Variants in LUZP2 observed in about 807,000 individuals in gnomAD.
LUZP2 encodes leucine zipper protein 2.
Under a neutral mutation model 51.6 loss-of-function variants are expected in LUZP2, and 52 were observed. The observed-to-expected ratio is 1.01, with a 90% CI of 0.81 to 1.27. The LOEUF (loss-of-function observed/expected upper bound fraction) is 1.27, where lower values mean the gene tolerates loss of function less well. Among genes scored for constraint, LUZP2 ranks in the 50% most tolerant of loss-of-function variants. LUZP2 has a pLI of 0.00. For missense variants in LUZP2, 436 were observed against 395.4 expected, an observed-to-expected ratio of 1.10 and a Z score of -0.87; for synonymous variants, 154 against 137.3, an observed-to-expected ratio of 1.12 and a Z score of -0.85.
chr11:25,006,349 G>A (rs2133950880), intron 9 of LUZP2, among the ~76,000 whole-genome samples: 1 of 152,246 alleles, frequency 6.6e-6, no homozygotes, highest in East Asian at 1.9e-4. Flanking sequence ...TCTCGCTTGG[G>A]CGACATGACT....
chr11:24,573,325 C>G (rs1279215184), intron 1 of LUZP2, among the ~76,000 whole-genome samples: 1 of 151,986 alleles, frequency 6.6e-6, no homozygotes, highest in African/African-American at 2.4e-5. Context: ...TTGTACATCA[C>G]TGTCACCTGG....
intron 5 of LUZP2, among the ~76,000 whole-genome samples, chr11:24,896,137 A>G (rs1442231255): frequency 6.6e-6 from 1 of 152,234 alleles, no homozygotes; most frequent in Non-Finnish European, 1.5e-5. Flanking sequence ...ACGTGCTAGC[A>G]GCCCTGGCTG....
chr11:24,560,852 C>T (rs1286600818), intron 1 of LUZP2, among the ~76,000 whole-genome samples: 1 of 152,096 alleles, frequency 6.6e-6, no homozygotes, highest in Non-Finnish European at 1.5e-5. Flanking sequence ...ACATAGTTTG[C>T]AGATTAATTG....
At chr11:24,761,583 G>A (rs1232276282) in intron 4 of LUZP2, among the ~76,000 whole-genome samples, 3 of 152,084 alleles carry the variant, frequency 2.0e-5, no homozygotes, top group African/African-American at 7.2e-5. Context: ...ACTCACCTCT[G>A]GGCTCCAGGC....
At chr11:24,663,792 A>C (rs1856109580) in intron 1 of LUZP2, among the ~76,000 whole-genome samples, 1 of 152,046 alleles carries the variant, frequency 6.6e-6, no homozygotes, top group Non-Finnish European at 1.5e-5. Context: ...GTAAGTTCTT[A>C]AGAGATCTGA....
chr11:24,912,961 A>G (rs1394781879), intron 6 of LUZP2, among the ~76,000 whole-genome samples: 1 of 152,236 alleles, frequency 6.6e-6, no homozygotes. Flanking sequence ...CTTGTATATC[A>G]ACACAGTTTA....
At chr11:24,898,833 A>G (rs1853173905) in intron 5 of LUZP2, among the ~76,000 whole-genome samples, 1 of 152,134 alleles carries the variant, frequency 6.6e-6, no homozygotes, top group Non-Finnish European at 1.5e-5. Context: ...GACTGGAAAG[A>G]GTAGGTGGCA....
intron 1 of LUZP2, among the ~76,000 whole-genome samples, chr11:24,702,185 C>A (rs942896921): frequency 3.3e-5 from 5 of 152,140 alleles, no homozygotes; most frequent in South Asian, 2.1e-4. Flanking sequence ...GATGCTGGAA[C>A]TTGATAGTCT....
At chr11:24,804,196 T>G (rs1416620687) in intron 5 of LUZP2, among the ~76,000 whole-genome samples, 4 of 152,130 alleles carry the variant, frequency 2.6e-5, no homozygotes, top group African/African-American at 9.7e-5. Flanking sequence ...TACATTTTTC[T>G]TATTATATCA....
chr11:24,854,686 A>T lies in LUZP2; in HGVS notation c.397-51305A>T, dbSNP rs984257212. ...GGATATGAAAAAAAAAAAAAAAAAA[A>T]CTCCTGCAGCTAGCTTGGCATCTGC... is the stretch of plus-strand genomic sequence containing the variant. On this transcript the variant is annotated intron_variant, in intron 5 of 11. Coordinates refer to ENST00000336930, the MANE Select transcript of LUZP2 (RefSeq NM_001009909.4). Among the ~76,000 whole-genome samples, 9 of 117,424 alleles carry T rather than the reference A, an allele frequency of 7.7e-5. No homozygotes were observed. In the Admixed American group the frequency reaches 7.8e-4, roughly 10 times the overall value. The allele number at this position is 117,424 out of a possible 152,430, so 77.0% of individuals were successfully genotyped here.
intron 5 of LUZP2, among the ~76,000 whole-genome samples, chr11:24,782,456 C>A (rs1414234038): frequency 1.3e-5 from 2 of 151,892 alleles, no homozygotes; most frequent in Admixed American, 6.6e-5. Flanking sequence ...GATTGCAAAG[C>A]AACCAATGGT....
chr11:25,008,850 T>C (rs1415284171), intron 9 of LUZP2, among the ~76,000 whole-genome samples: 1 of 152,174 alleles, frequency 6.6e-6, no homozygotes, highest in Non-Finnish European at 1.5e-5. Flanking sequence ...TGTGTGCTGA[T>C]TGGCCCATGG....
chr11:24,963,825 G>A (rs1216325279), intron 7 of LUZP2, among the ~76,000 whole-genome samples: 1 of 152,120 alleles, frequency 6.6e-6, no homozygotes, highest in Admixed American at 6.6e-5. Flanking sequence ...CGGTACCTCA[G>A]ATGGAAATGC....
At chr11:24,756,969 CA>C (rs1859798714) in intron 4 of LUZP2, among the ~76,000 whole-genome samples, 1 of 152,164 alleles carries the variant, frequency 6.6e-6, no homozygotes, top group Non-Finnish European at 1.5e-5. Context: ...GAAACATCTA[CA>C]TTTACTAGTT....
chr11:24,708,776 C>T (rs994502386), intron 1 of LUZP2, among the ~76,000 whole-genome samples: 22 of 152,154 alleles, frequency 1.4e-4, no homozygotes, highest in African/African-American at 5.3e-4. Context: ...TGATGAATAA[C>T]AGTGCTCTAG....
At chr11:24,734,641 C>A (rs188935210) in intron 3 of LUZP2, among the ~76,000 whole-genome samples, 1 of 151,732 alleles carries the variant, frequency 6.6e-6, no homozygotes, top group African/African-American at 2.4e-5. Context: ...GTGATGCATT[C>A]GTTTTTTGCT....
chr11:24,816,187 A>G (rs1050469482), intron 5 of LUZP2, among the ~76,000 whole-genome samples: 1 of 151,944 alleles, frequency 6.6e-6, no homozygotes, highest in African/African-American at 2.4e-5. Context: ...AGCACACCCC[A>G]CGTGGTAGTT....
At chr11:24,810,234 C>A (rs1389896905) in intron 5 of LUZP2, among the ~76,000 whole-genome samples, 1 of 152,150 alleles carries the variant, frequency 6.6e-6, no homozygotes, top group Non-Finnish European at 1.5e-5. Context: ...TATATATGCA[C>A]ACACAGGTAA....
intron 5 of LUZP2, among the ~76,000 whole-genome samples, chr11:24,819,692 T>A (rs936401096): frequency 6.6e-6 from 1 of 152,144 alleles, no homozygotes; most frequent in Non-Finnish European, 1.5e-5. Flanking sequence ...TTGTATCACC[T>A]GCCTAAAGAC....
Sources: allele counts gnomAD v4.1 joint callset (sites outside exome capture counted in the v4.1 genomes callset), GRCh38; gene constraint gnomAD v4.1.1; transcripts MANE v1.5; gene names NCBI Gene and HGNC (gene_info 2026-07-23, HGNC 2026-07-21).